The following PPP1R9A variants were observed in gnomAD, a reference collection of about 807,000 sequenced individuals.
PPP1R9A encodes the protein neurabin-1.
Under a neutral mutation model 141.9 loss-of-function variants are expected in PPP1R9A, and 59 were observed. That is an observed-to-expected ratio of 0.42 (90% CI 0.34 to 0.52). The LOEUF is 0.52. Ranked by LOEUF, PPP1R9A falls within the 20% of genes least tolerant of loss-of-function variation. The probability of loss-of-function intolerance (pLI) is 0.10; values close to 1 mark genes in which losing one functional copy is unlikely to be tolerated. For synonymous variants in PPP1R9A, 500 were observed against 569.7 expected (o/e 0.88, Z 1.74); for missense variants, 1,444 against 1,611.9 (o/e 0.90, Z 1.78).
chr7:95,287,016 A>G (rs1245738122), intron 18 of PPP1R9A: 5 of 1,378,098 alleles, frequency 3.6e-6, no homozygotes, highest in South Asian at 1.3e-5. Flanking sequence ...GCTTGGTGCA[A>G]TTTTAATTTT....
chr7:95,268,522 C>G, intron 12 of PPP1R9A, 28 bp from the exon 13 acceptor site: 1 of 1,611,120 alleles, frequency 6.2e-7, no homozygotes, highest in Non-Finnish European at 8.5e-7. Flanking sequence ...AAAGGTTTCT[C>G]TCACTGATTA....
At chr7:95,072,229 A>G (rs1243206328) in intron 2 of PPP1R9A, among the ~76,000 whole-genome samples, 3 of 146,558 alleles carry the variant, frequency 2.0e-5, no homozygotes, top group Non-Finnish European at 4.5e-5. Flanking sequence ...TGTATAATAC[A>G]CATAGCTTTT....
chr7:95,206,941 C>T (rs1790928940), intron 7 of PPP1R9A, among the ~76,000 whole-genome samples: 1 of 152,044 alleles, frequency 6.6e-6, no homozygotes, highest in Admixed American at 6.6e-5. Flanking sequence ...AAATCTATCA[C>T]CCCAGGGACT....
intron 11 of PPP1R9A, 31 bp from the exon 12 acceptor site, chr7:95,251,928 A>C (rs746519909): frequency 1.2e-6 from 2 of 1,607,824 alleles, no homozygotes; most frequent in Non-Finnish European, 1.7e-6. Context: ...GCGCTAGTTT[A>C]GAGTTTTATA....
chr7:95,219,444 G>A (rs1420565765), intron 7 of PPP1R9A, among the ~76,000 whole-genome samples: 2 of 152,032 alleles, frequency 1.3e-5, no homozygotes, highest in African/African-American at 4.8e-5. Flanking sequence ...ACAATTATGT[G>A]TCTTGGAGTT....
At chr7:95,145,990 AT>A (rs1827541105) in intron 4 of PPP1R9A, among the ~76,000 whole-genome samples, 1 of 152,192 alleles carries the variant, frequency 6.6e-6, no homozygotes, top group African/African-American at 2.4e-5. Flanking sequence ...CAGTAGAATG[AT>A]TTATATCCTT....
chr7:95,236,441 A>G (rs780053539), intron 8 of PPP1R9A, among the ~76,000 whole-genome samples: 2 of 151,942 alleles, frequency 1.3e-5, no homozygotes, highest in Admixed American at 1.3e-4. Context: ...CAAGTTTTCA[A>G]TTTCAGGGGG....
In PPP1R9A at chr7:95,249,364, G is replaced by A. The variant is rs200621225; in HGVS notation, c.2167-662G>A. ...AGAATGAAATAAGATCACCAAAAGG[G>A]TTAAAAGCAGAGTGAAAGTGGTTAA... On this transcript the variant is annotated intron_variant, in intron 9 of 19. Coordinates refer to ENST00000433360, the MANE Select transcript of PPP1R9A (RefSeq NM_001166160.2). Among the ~76,000 whole-genome samples the A allele has an allele frequency of 3.3e-5, 5 of 152,232 alleles. No homozygotes were observed. The East Asian group carries it at 9.7e-4, about 29-fold the overall frequency.
chr7:95,014,942 C>G (rs1584277181), intron 2 of PPP1R9A, among the ~76,000 whole-genome samples: 1 of 151,946 alleles, frequency 6.6e-6, no homozygotes, highest in Non-Finnish European at 1.5e-5. Context: ...CTATTGGAAC[C>G]TTTTCTGGAT....
At chr7:95,133,029 C>T (rs531728007) in intron 4 of PPP1R9A, among the ~76,000 whole-genome samples, 3 of 152,134 alleles carry the variant, frequency 2.0e-5, no homozygotes, top group Non-Finnish European at 4.4e-5. Context: ...GAATTAGATA[C>T]TCAGACACCA....
At position 95,264,753 on chromosome 7, in the gene PPP1R9A, G is replaced by A. The variant is rs145859844; in HGVS notation, c.2666-3797G>A. 5.5e-4 allele frequency among the ~76,000 whole-genome samples: 83 copies of A among 152,152 alleles called. 2 individuals carry two copies. In the East Asian group the frequency reaches 0.013, roughly 24 times the overall value. On this transcript the variant is annotated intron_variant, in intron 12 of 19. Coordinates refer to ENST00000433360, the MANE Select transcript of PPP1R9A (RefSeq NM_001166160.2). ...TGTTCTGTATTTCTAGCTGCATTGC[G>A]TCAGAGGTAGGCTATTTCAGAGACT...
In PPP1R9A at chr7:95,123,715, G is replaced by A. The variant is rs1036050585; in HGVS notation, c.1649+2883G>A. On this transcript the variant is annotated intron_variant, in intron 4 of 19. Transcript: ENST00000433360. Reference sequence around the variant, plus strand: ...TAGAATCTTTAAGAAAATGTAACTAGGAGCCTTCATTCCATTCCCTCTACT... The same window carrying A: ...TAGAATCTTTAAGAAAATGTAACTAAGAGCCTTCATTCCATTCCCTCTACT... 3.3e-5 allele frequency among the ~76,000 whole-genome samples: 5 copies of A among 152,130 alleles called. No homozygotes were observed. In the East Asian group the frequency reaches 9.6e-4, roughly 29 times the overall value.
At chr7:95,089,384 T>C (rs947622469) in intron 2 of PPP1R9A, among the ~76,000 whole-genome samples, 1 of 152,100 alleles carries the variant, frequency 6.6e-6, no homozygotes, top group Non-Finnish European at 1.5e-5. Flanking sequence ...TCTGAAAGAA[T>C]ACAAGGTAGA....
intron 6 of PPP1R9A, among the ~76,000 whole-genome samples, chr7:95,202,122 A>C (rs11973330): frequency 0.72 from 109,345 of 152,068 alleles, 40,671 homozygotes; most frequent in East Asian, 0.97. Context: ...AGAAAGATTA[A>C]CTTACAATAT....
At chr7:95,183,545 G>C (rs936889038) in intron 5 of PPP1R9A, among the ~76,000 whole-genome samples, 1 of 148,452 alleles carries the variant, frequency 6.7e-6, no homozygotes, top group African/African-American at 2.5e-5. Flanking sequence ...CTGCCTCCCG[G>C]GTTCAAGTGA....
rs572710736 is a variant in PPP1R9A, at chr7:95,058,729, G to C, written c.1396-52530G>C. ...GAAAAGGGATGGGAGTGGGATCGGGGGTGGAGCGGGGTGGAGTAGGGAGAA... is the reference window on the plus strand; with the variant it reads ...GAAAAGGGATGGGAGTGGGATCGGGCGTGGAGCGGGGTGGAGTAGGGAGAA... On this transcript the variant is annotated intron_variant, in intron 2 of 19. Coordinates refer to ENST00000433360, the MANE Select transcript of PPP1R9A (RefSeq NM_001166160.2). 5.3e-5 allele frequency among the ~76,000 whole-genome samples: 8 copies of C among 152,172 alleles called. 1 individual carries two copies. In the South Asian group the frequency reaches 1.7e-3, roughly 32 times the overall value.
At chr7:95,279,683 A>T (rs1039523324) in intron 16 of PPP1R9A, among the ~76,000 whole-genome samples, 11 of 152,244 alleles carry the variant, frequency 7.2e-5, no homozygotes, top group African/African-American at 2.7e-4. Flanking sequence ...CAATATAGTT[A>T]TCAAAGTGCT....
chr7:95,068,195 C>A (rs146118416), intron 2 of PPP1R9A, among the ~76,000 whole-genome samples: 25 of 152,114 alleles, frequency 1.6e-4, no homozygotes, highest in Non-Finnish European at 3.4e-4. Context: ...TTCGGCCAGG[C>A]GTGGTGGCTC....
At chr7:95,235,716 T>C (rs1796589910) in intron 8 of PPP1R9A, among the ~76,000 whole-genome samples, 1 of 152,186 alleles carries the variant, frequency 6.6e-6, no homozygotes, top group Non-Finnish European at 1.5e-5. Flanking sequence ...GCAGTACAAT[T>C]TGCATTTGCA....
Sources: allele counts gnomAD v4.1 joint callset (sites outside exome capture counted in the v4.1 genomes callset), GRCh38; gene constraint gnomAD v4.1.1; transcripts MANE v1.5; gene names NCBI Gene and HGNC (gene_info 2026-07-23, HGNC 2026-07-21).